Variants in TACR3 observed in about 807,000 individuals in gnomAD.
The protein encoded by TACR3 is tachykinin receptor 3.
TACR3 carries 34 observed loss-of-function variants against 35.0 expected under a neutral mutation model. The ratio of observed to expected loss-of-function variants is 0.97; its 90% CI spans 0.74 to 1.30. The LOEUF is 1.30. Ranked by LOEUF, TACR3 falls within the 50% of genes most tolerant of loss-of-function variation. TACR3 has a pLI of 0.00. For missense variants in TACR3, 558 were observed against 591.7 expected (o/e 0.94, Z 0.59); for synonymous variants, 233 against 221.1 (o/e 1.05, Z -0.48).
chr4:103,690,145 G>C (rs1009384592), intron 1 of TACR3, among the ~76,000 whole-genome samples: 2 of 152,102 alleles, frequency 1.3e-5, no homozygotes, highest in Non-Finnish European at 2.9e-5. Flanking sequence ...GAGACAATGC[G>C]TTATGATTAA....
chr4:103,606,079 G>A (rs2110294320), intron 3 of TACR3, among the ~76,000 whole-genome samples: 2 of 151,944 alleles, frequency 1.3e-5, no homozygotes, highest in South Asian at 4.2e-4. Context: ...GATTAAATAG[G>A]GAATCCTTTC....
chr4:103,639,106 T>C (rs1161450065), intron 3 of TACR3, among the ~76,000 whole-genome samples: 17 of 151,996 alleles, frequency 1.1e-4, no homozygotes, highest in Admixed American at 2.0e-4. Context: ...ACCCAAAGGA[T>C]TATAAATCAT....
chr4:103,679,617 A>AGAT (rs1240105823), intron 1 of TACR3, among the ~76,000 whole-genome samples: 1 of 151,942 alleles, frequency 6.6e-6, no homozygotes, highest in Non-Finnish European at 1.5e-5. Flanking sequence ...GGGGGAGAGG[A>AGAT]GATGGTATGA....
chr4:103,635,019 T>G (rs554975881), intron 3 of TACR3, among the ~76,000 whole-genome samples: 16 of 152,180 alleles, frequency 1.1e-4, no homozygotes, highest in African/African-American at 3.9e-4. Flanking sequence ...GATTCTGAGC[T>G]AGTTTCAGTC....
At chr4:103,650,673 TATATTATATCATATATAATATATATTTA>T (rs2110325782) in intron 3 of TACR3, among the ~76,000 whole-genome samples, 1 of 15,514 alleles carries the variant, frequency 6.4e-5, no homozygotes. Context: ...TAAATAAATA[TATATTATATCATATATAATATATATTTA>T]TATATATAAA....
Position 103,601,273 on chromosome 4 carries a change from A to C in TACR3, c.889-9590T>G, listed in dbSNP as rs1025868702. ...TCCTCCATCCCTTTATTTTGAGCCT[A>C]TGTGTGTCTCTGCATGTGAGATGGG... On this transcript the variant is annotated intron_variant, in intron 3 of 4. Transcript: ENST00000304883. Among the ~76,000 whole-genome samples, 4 of 151,890 alleles carry C rather than the reference A, an allele frequency of 2.6e-5. No individual in the cohort carries two copies. In the South Asian group the frequency reaches 8.4e-4, roughly 32 times the overall value.
intron 1 of TACR3, among the ~76,000 whole-genome samples, chr4:103,715,116 A>G (rs575848026): frequency 5.9e-5 from 9 of 152,156 alleles, no homozygotes; most frequent in Admixed American, 2.0e-4. Flanking sequence ...CTTTTTTGCT[A>G]TCTTTCTTAA....
At chr4:103,683,383 A>C (rs1409528097) in intron 1 of TACR3, among the ~76,000 whole-genome samples, 1 of 149,326 alleles carries the variant, frequency 6.7e-6, no homozygotes, top group Non-Finnish European at 1.5e-5. Context: ...AGTCAAAGTG[A>C]AGTGACAATA....
intron 3 of TACR3, among the ~76,000 whole-genome samples, chr4:103,612,662 C>G (rs1724537421): frequency 1.3e-5 from 2 of 152,138 alleles, no homozygotes; most frequent in African/African-American, 4.8e-5. Context: ...GTGTGCACCA[C>G]CACACCAGCT....
chr4:103,690,174 C>T (rs912140447), intron 1 of TACR3, among the ~76,000 whole-genome samples: 1 of 152,054 alleles, frequency 6.6e-6, no homozygotes, highest in African/African-American at 2.4e-5. Flanking sequence ...TAAGTATATA[C>T]TAAAGGATGT....
chr4:103,637,773 A>G (rs1451496056), intron 3 of TACR3, among the ~76,000 whole-genome samples: 2 of 152,180 alleles, frequency 1.3e-5, no homozygotes, highest in African/African-American at 4.8e-5. Context: ...CAAAAATCAC[A>G]AGCATTCTTA....
At position 103,719,811 on chromosome 4, in the gene TACR3, T is replaced by A; in HGVS notation, c.-136A>T. The A allele has an allele frequency of 8.8e-7, 1 of 1,139,594 alleles. No individual in the cohort carries two copies. The highest frequency in any genetic ancestry group is 1.3e-6 in the Non-Finnish European group (1 of 795,380). The allele number at this position is 1,139,594 out of a possible 1,614,324, so 70.6% of individuals were successfully genotyped here. A position where few individuals can be genotyped will look rare whatever the true frequency, so the allele number is the denominator to read the frequency against. On this transcript the variant is annotated 5_prime_UTR_variant, in exon 1 of 5. Transcript: ENST00000304883. ...GATAAGACTGGAAGCTGAAAGATAC[T>A]GCAATCCCTGCTGGTTAGGGGATGC... is the stretch of plus-strand genomic sequence containing the variant.
intron 1 of TACR3, among the ~76,000 whole-genome samples, chr4:103,705,533 TAAACAG>T (rs1722768462): frequency 6.6e-6 from 1 of 152,066 alleles, no homozygotes; most frequent in South Asian, 2.1e-4. Flanking sequence ...CAAACAGTCT[TAAACAG>T]AAACATAAAA....
At chr4:103,665,243 ATATGAC>A (rs1370359077) in intron 1 of TACR3, among the ~76,000 whole-genome samples, 2 of 152,018 alleles carry the variant, frequency 1.3e-5, no homozygotes, top group Non-Finnish European at 2.9e-5. Flanking sequence ...TATGACTCAT[ATATGAC>A]TATGACTATT....
chr4:103,684,055 T>A (rs1033388792), intron 1 of TACR3, among the ~76,000 whole-genome samples: 4 of 152,098 alleles, frequency 2.6e-5, no homozygotes, highest in African/African-American at 7.2e-5. Context: ...TCTCAGCACA[T>A]TCAAATAGAA....
intron 3 of TACR3, among the ~76,000 whole-genome samples, chr4:103,598,331 T>A (rs1724093049): frequency 6.6e-6 from 1 of 152,222 alleles, no homozygotes; most frequent in Admixed American, 6.5e-5. Context: ...TTGTTTGAGT[T>A]CATTTTAGAT....
At chr4:103,618,362 G>C (rs1039226260) in intron 3 of TACR3, among the ~76,000 whole-genome samples, 1 of 152,062 alleles carries the variant, frequency 6.6e-6, no homozygotes, top group African/African-American at 2.4e-5. Flanking sequence ...GTTTTTGTCA[G>C]TCTTGACAAA....
chr4:103,669,299 T>C (rs181476132), intron 1 of TACR3, among the ~76,000 whole-genome samples: 108 of 152,318 alleles, frequency 7.1e-4, no homozygotes, highest in Non-Finnish European at 8.1e-4. Context: ...ATGGCTATTG[T>C]GAATAGTGCT....
chr4:103,668,242 A>T (rs1401402446), intron 1 of TACR3, among the ~76,000 whole-genome samples: 2 of 152,178 alleles, frequency 1.3e-5, no homozygotes, highest in Admixed American at 6.5e-5. Context: ...CACAGAAATT[A>T]TAGGTTTCCC....
Sources: allele counts gnomAD v4.1 joint callset (sites outside exome capture counted in the v4.1 genomes callset), GRCh38; gene constraint gnomAD v4.1.1; transcripts MANE v1.5; gene names NCBI Gene and HGNC (gene_info 2026-07-23, HGNC 2026-07-21).